The following PRTG variants were observed in gnomAD, a reference collection of about 807,000 sequenced individuals.
The protein encoded by PRTG is protogenin.
A neutral mutation model predicts 122.5 loss-of-function variants in PRTG; 67 were observed. The ratio of observed to expected loss-of-function variants is 0.55; its 90% CI spans 0.45 to 0.67. The LOEUF (loss-of-function observed/expected upper bound fraction) is 0.67. Among genes scored for constraint, PRTG ranks in the 30% least tolerant of loss-of-function variants. The pLI is 0.00. For missense variants in PRTG, 1,435 were observed against 1,415.4 expected, an observed-to-expected ratio of 1.01 and a Z score of -0.22; for synonymous variants, 554 against 501.1, an observed-to-expected ratio of 1.11 and a Z score of -1.41.
intron 5 of PRTG, 75 bp from the exon 6 acceptor site, chr15:55,680,287 A>G (rs2059530162): frequency 8.0e-7 from 1 of 1,252,572 alleles, no homozygotes; most frequent in African/African-American, 1.5e-5. Context: ...CCACTATCCA[A>G]GCAATCAATC....
intron 11 of PRTG, among the ~76,000 whole-genome samples, chr15:55,648,625 A>G (rs2059336714): frequency 6.6e-6 from 1 of 152,208 alleles, no homozygotes; most frequent in South Asian, 2.1e-4. Flanking sequence ...GATATTCAGA[A>G]AACAGCTGAA....
rs959885161 is a variant in PRTG, at chr15:55,618,367, G to A, written c.*1645C>T. 14 of 152,194 alleles carry A rather than the reference G, an allele frequency of 9.2e-5. No homozygotes were observed. The highest frequency in any genetic ancestry group is 3.1e-4 in the African/African-American group (13 of 41,450). 9.4% of individuals were successfully genotyped at this position (152,194 alleles called of 1,614,324 possible). A position where few individuals can be genotyped will look rare whatever the true frequency, so the allele number is the denominator to read the frequency against. On this transcript the variant is annotated 3_prime_UTR_variant, in exon 20 of 20. Transcript: ENST00000389286. ...CCTCTAGGAACAAAGCATTTCAAGT[G>A]TAAACCCATTATGATTCCTTTTAAA...
At chr15:55,627,785 T>G (rs2059203899) in intron 16 of PRTG, among the ~76,000 whole-genome samples, 1 of 152,214 alleles carries the variant, frequency 6.6e-6, no homozygotes, top group Admixed American at 6.5e-5. Context: ...AAAGCAGATC[T>G]GCATGTTGAA....
Position 55,673,607 on chromosome 15 carries a change from G to A in PRTG, c.1616C>T (p.Pro539Leu). 1 of 1,614,058 alleles carries A rather than the reference G, an allele frequency of 6.2e-7. No homozygotes were observed. Among genetic ancestry groups the A allele is most frequent in the Non-Finnish European group, 8.5e-7 (1 of 1,179,902 alleles). ...GCCCCGCCGATATTTGGCTGGGATT[G>A]GCAGCCAGGAGATGAGAATATCAGT... ...SPTDILISWL[P>L]IPAKYRRGQV... The change falls in exon 10 of 20, where the codon CCA becomes CTA. Residue 539 changes from proline (P) to leucine (L), a missense_variant. Transcript: ENST00000389286.
rs1477138336 is a variant in PRTG at position 55,680,568 on chromosome 15, G to A, written c.737C>T (p.Thr246Ile). 6.2e-7 allele frequency: 1 copy of A among 1,601,304 alleles called. No homozygotes were observed. Among genetic ancestry groups the A allele is most frequent in the Non-Finnish European group, 8.5e-7 (1 of 1,173,166 alleles). The change falls in exon 5 of 20, where the codon ACA (threonine) becomes ATA (isoleucine). Residue 246 changes from threonine to isoleucine, a missense_variant. Physicochemically the swap from Thr to Ile is moderately conservative, Grantham distance 89. Transcript: ENST00000389286. ...TIIAGPQNIT[T>I]SLHQTVVLEC... ...CAAAACTACAGTCTGATGAAGAGAT[G>A]TTGTTATGTTCTGTGGACCTGCTAT...
intron 2 of PRTG, among the ~76,000 whole-genome samples, chr15:55,685,480 CTT>C (rs889300527): frequency 2.0e-5 from 3 of 152,140 alleles, no homozygotes; most frequent in Non-Finnish European, 2.9e-5. Flanking sequence ...CTTTCACTCT[CTT>C]GTCTTGAATA....
At chr15:55,703,050 C>G (rs2029951112) in intron 2 of PRTG, 4 of 416,416 alleles carry the variant, frequency 9.6e-6, no homozygotes, top group Non-Finnish European at 1.3e-5. Context: ...GGTCCTAGAA[C>G]CAGTTGGTCT....
intron 2 of PRTG, among the ~76,000 whole-genome samples, chr15:55,706,717 G>C (rs1251482021): frequency 6.6e-6 from 1 of 152,042 alleles, no homozygotes; most frequent in Admixed American, 6.6e-5. Flanking sequence ...AGTGAGCCAT[G>C]CACATGCCAC....
At chr15:55,711,245 C>T (rs1194050978) in intron 2 of PRTG, among the ~76,000 whole-genome samples, 12 of 152,026 alleles carry the variant, frequency 7.9e-5, no homozygotes, top group South Asian at 2.1e-4. Flanking sequence ...CTTATTTATC[C>T]TTTCCTATTC....
intron 2 of PRTG, among the ~76,000 whole-genome samples, chr15:55,704,189 C>A (rs943163785): frequency 1.3e-5 from 2 of 152,172 alleles, no homozygotes; most frequent in African/African-American, 4.8e-5. Context: ...CTTTCTTATG[C>A]CTTGTTGTCA....
chr15:55,670,212 TAATAA>T (rs1400984002), intron 11 of PRTG, among the ~76,000 whole-genome samples: 11 of 146,972 alleles, frequency 7.5e-5, no homozygotes, highest in Non-Finnish European at 1.2e-4. Flanking sequence ...GCCAAAGTTT[TAATAA>T]AATGTCTCTC....
At chr15:55,706,050 C>T (rs12908813) in intron 2 of PRTG, among the ~76,000 whole-genome samples, 47,434 of 122,272 alleles carry the variant, frequency 0.39, 10,933 homozygotes, top group Middle Eastern at 0.54. Flanking sequence ...TTAGTAGAGA[C>T]GGGATTTCAC....
At chr15:55,723,043 A>C (rs1301279306) in intron 2 of PRTG, among the ~76,000 whole-genome samples, 1 of 152,124 alleles carries the variant, frequency 6.6e-6, no homozygotes, top group Non-Finnish European at 1.5e-5. Context: ...CCTGGCCTAT[A>C]CCACACACTT....
At chr15:55,625,079 T>C (rs545198896) in intron 17 of PRTG, among the ~76,000 whole-genome samples, 8 of 152,322 alleles carry the variant, frequency 5.3e-5, no homozygotes, top group African/African-American at 1.7e-4. Context: ...TCTATGCTAA[T>C]GGAGGGAGTC....
At chr15:55,652,902 A>G (rs1461099112) in intron 11 of PRTG, among the ~76,000 whole-genome samples, 1 of 152,090 alleles carries the variant, frequency 6.6e-6, no homozygotes, top group Non-Finnish European at 1.5e-5. Flanking sequence ...GAAAACGTTA[A>G]TTCATGATGA....
intron 11 of PRTG, among the ~76,000 whole-genome samples, chr15:55,665,955 C>T (rs80173323): frequency 5.6e-4 from 85 of 152,270 alleles, no homozygotes; most frequent in Non-Finnish European, 1.0e-3. Context: ...TTTATTGGAG[C>T]ATAACCACAT....
At position 55,672,503 on chromosome 15, in the gene PRTG, C is replaced by T. The variant is rs1267312795; in HGVS notation, c.1983G>A (p.Gln661=). The part of the protein sequence containing the change: ...YKLYYKEEGQ[Q]ENGPIFLDTK... ...TATCCAAGAAAATGGGCCCATTCTC[C>T]TGCTGCCCTTCTTCCTTGTAGTACA... The change falls in exon 11 of 20, where the codon CAG becomes CAA. Residue 661 remains glutamine (Q), a synonymous_variant. Transcript: ENST00000389286. 1 of 1,614,130 alleles carries T rather than the reference C, an allele frequency of 6.2e-7. No homozygotes were observed. Among genetic ancestry groups the T allele is most frequent in the East Asian group, 2.2e-5 (1 of 44,872 alleles).
intron 11 of PRTG, among the ~76,000 whole-genome samples, chr15:55,664,037 T>C (rs190168386): frequency 6.6e-6 from 1 of 152,352 alleles, no homozygotes; most frequent in Admixed American, 6.5e-5. Flanking sequence ...TCTGTTCACC[T>C]GATGAAGGAC....
rs2031660977 is a variant in PRTG, at chr15:55,742,881, C to G, written c.51G>C (p.Leu17=). The G allele has an allele frequency of 3.3e-6, 5 of 1,534,540 alleles. No individual in the cohort carries two copies. The highest frequency in any genetic ancestry group is 4.4e-6 in the Non-Finnish European group (5 of 1,139,758). ...GCAGCAGGAGCAGGAGCGCGCGGAG[C>G]AGCATCCCCGGCGGTCGCAGCCGGG... The part of the protein sequence containing the change: ...PLARLRPPGM[L]LRALLLLLLL... Residue 17 remains leucine, a synonymous_variant, in exon 1 of 20, where the codon CTG becomes CTC. Coordinates refer to ENST00000389286, the MANE Select transcript of PRTG (RefSeq NM_173814.6).
Sources: gnomAD v4.1 joint callset for allele counts (sites outside exome capture counted in the v4.1 genomes callset) on GRCh38, gnomAD v4.1.1 for gene constraint, MANE v1.5 for transcripts, NCBI Gene and HGNC (gene_info 2026-07-23, HGNC 2026-07-21) for gene names.